Variants in CDK12 observed in about 807,000 individuals in gnomAD.
CDK12 encodes cyclin-dependent kinase 12.
In CDK12, 17 loss-of-function variants were observed where a neutral mutation model predicts 133.8. The ratio of observed to expected loss-of-function variants is 0.13; its 90% CI spans 0.09 to 0.19. The LOEUF (loss-of-function observed/expected upper bound fraction) is 0.19, where lower values mean the gene tolerates loss of function less well. CDK12 is among the 10% of genes least tolerant of loss of function. The pLI is 1.00. For missense variants in CDK12, 1,508 were observed against 1,818.7 expected, an observed-to-expected ratio of 0.83 and a Z score of 3.11; for synonymous variants, 694 against 683.6, an observed-to-expected ratio of 1.02 and a Z score of -0.24.
Position 39,471,497 on chromosome 17 carries a change from T to G in CDK12, c.1665T>G (p.Pro555=). ...AGACACCCCCTTTGCCACCTTTGCC[T>G]CCAATACCAGCTCTTCCACAGCAAC... ...PPQTPPLPPL[P]PIPALPQQPP... is the part of the protein sequence containing the mutation. Residue 555 remains proline (P), a synonymous_variant, in exon 2 of 14, where the codon CCT becomes CCG. Coordinates refer to ENST00000447079, the MANE Select transcript of CDK12 (RefSeq NM_016507.4). The G allele has an allele frequency of 6.3e-7, 1 of 1,598,308 alleles. No homozygotes were observed. The highest frequency in any genetic ancestry group is 1.1e-5 in the South Asian group (1 of 90,698).
In CDK12 at chr17:39,463,080, C is replaced by T; in HGVS notation, c.1009C>T (p.Leu337=). ...YGRRRSSSPF[L]SKRSLSRSPL... ...TCGAAGGCGGTCCAGCAGCCCTTTC[C>T]TGAGCAAGCGGTCTCTGAGTCGGAG... Residue 337 remains leucine, a synonymous_variant, in exon 1 of 14, where the codon CTG becomes TTG. Transcript: ENST00000447079. The T allele has an allele frequency of 3.1e-6, 5 of 1,614,186 alleles. No homozygotes were observed. Among genetic ancestry groups the T allele is most frequent in the Non-Finnish European group, 4.2e-6 (5 of 1,180,022 alleles).
intron 7 of CDK12, among the ~76,000 whole-genome samples, chr17:39,510,835 A>T (rs572375043): frequency 6.7e-6 from 1 of 149,374 alleles, no homozygotes; most frequent in South Asian, 2.1e-4. Flanking sequence ...CTGGTCTCGA[A>T]CTCCCGACCT....
At chr17:39,541,752 C>G (rs1032451034) in intron 1 of CDK12, among the ~76,000 whole-genome samples, 1 of 152,212 alleles carries the variant, frequency 6.6e-6, no homozygotes, top group Non-Finnish European at 1.5e-5. Context: ...GGGAGTTTCT[C>G]TGCAGTGGCC....
At chr17:39,506,212 ATTTTTT>A (rs1177367409) in intron 6 of CDK12, among the ~76,000 whole-genome samples, 1 of 119,776 alleles carries the variant, frequency 8.3e-6, no homozygotes, top group Non-Finnish European at 1.7e-5. Context: ...TGATTATATG[ATTTTTT>A]TTTTTTTTTT....
chr17:39,501,216 T>TC, intron 5 of CDK12, 34 bp from the exon 6 acceptor site: 2 of 1,426,472 alleles, frequency 1.4e-6, no homozygotes, highest in Non-Finnish European at 9.4e-7. Context: ...TCTTTTTTTT[T>TC]TCTTGCTTTT....
chr17:39,558,383 T>C (rs2056242750), intron 3 of CDK12, among the ~76,000 whole-genome samples: 1 of 152,178 alleles, frequency 6.6e-6, no homozygotes, highest in Non-Finnish European at 1.5e-5. Flanking sequence ...CACTTTACAG[T>C]TCGTTAATTA....
In CDK12 at chr17:39,515,761, G is replaced by A; in HGVS notation, c.2799G>A (p.Lys933=). The change falls in exon 9 of 14, where the codon AAG becomes AAA. Residue 933 remains lysine (K), a synonymous_variant. Coordinates refer to ENST00000447079, the MANE Select transcript of CDK12 (RefSeq NM_016507.4). ...GCILGELFTK[K]PIFQANLELA... Reference sequence around the variant, plus strand: ...TTCTTGGGGAACTATTCACAAAGAAGCCTATTTTTCAAGCCAATCTGGAAC... The same window carrying A: ...TTCTTGGGGAACTATTCACAAAGAAACCTATTTTTCAAGCCAATCTGGAAC... 2 of 1,613,392 alleles carry A rather than the reference G, an allele frequency of 1.2e-6. No homozygotes were observed. The highest frequency in any genetic ancestry group is 2.2e-5 in the East Asian group (1 of 44,824).
chr17:39,511,672 A>T (rs764875330), intron 8 of CDK12, 42 bp downstream of exon 8: 1 of 1,286,116 alleles, frequency 7.8e-7, no homozygotes, highest in South Asian at 1.2e-5. Context: ...TAACTTACAT[A>T]CTGTTGACTT....
At position 39,462,700 on chromosome 17, in the gene CDK12, A is replaced by G; in HGVS notation, c.629A>G (p.Tyr210Cys). 1 of 1,614,240 alleles carries G rather than the reference A, an allele frequency of 6.2e-7. No individual in the cohort carries two copies. Among genetic ancestry groups the G allele is most frequent in the Non-Finnish European group, 8.5e-7 (1 of 1,180,044 alleles). The change falls in exon 1 of 14, where the codon TAC (tyrosine) becomes TGC (cysteine). Residue 210 changes from tyrosine to cysteine, a missense_variant. Transcript: ENST00000447079. ...SHRKRETPKSYKTVDSPKRRS... is the reference protein window; with the variant it reads ...SHRKRETPKSCKTVDSPKRRS... ...CGAAAAAGGGAAACACCCAAAAGTT[A>G]CAAAACAGTGGACAGCCCAAAACGG...
intron 1 of CDK12, among the ~76,000 whole-genome samples, chr17:39,464,404 CT>C (rs61135804): frequency 0.6 from 82,002 of 136,326 alleles, 26,759 homozygotes; most frequent in South Asian, 0.87. Context: ...TTTTCTTTTT[CT>C]TTTTTTTTTT....
chr17:39,466,549 G>T (rs1313908365), intron 1 of CDK12, among the ~76,000 whole-genome samples: 1 of 138,622 alleles, frequency 7.2e-6, no homozygotes, highest in African/African-American at 2.7e-5. Flanking sequence ...AGGAGGAGGA[G>T]GTTGAGGTGA....
chr17:39,517,625 T>C, intron 10 of CDK12, 69 bp downstream of exon 10: 1 of 885,698 alleles, frequency 1.1e-6, no homozygotes, highest in Non-Finnish European at 1.9e-6. Context: ...TTTTTCCTGG[T>C]CTGGGTAGTT....
rs149326713 is a variant in CDK12, at chr17:39,534,116, C to T, written c.*2800C>T. 3.1e-4 allele frequency: 73 copies of T among 232,722 alleles called. No homozygotes were observed. The East Asian group carries it at 3.3e-3, about 11-fold the overall frequency. The allele number at this position is 232,722 out of a possible 1,614,324, so 14.4% of individuals were successfully genotyped here. A position where few individuals can be genotyped will look rare whatever the true frequency, so the allele number is the denominator to read the frequency against. On this transcript the variant is annotated 3_prime_UTR_variant, in exon 14 of 14. Transcript: ENST00000447079. ...TGGTTTTGAAAACAAATATACTTGA[C>T]CCAGTTTCCTTAGTTTTTTCTTCAA...
rs147377891 is a variant in CDK12, at chr17:39,561,358, A to T, written n.485-3402A>T. Among the ~76,000 whole-genome samples, 12 of 152,320 alleles carry T rather than the reference A, an allele frequency of 7.9e-5. No individual in the cohort carries two copies. The East Asian group carries it at 2.1e-3, about 27-fold the overall frequency. Reference sequence around the variant, plus strand: ...CTATAGTTCATTTACAAACCCATACATCCACATACACCCCTTGGGCAGGCT... The same window carrying T: ...CTATAGTTCATTTACAAACCCATACTTCCACATACACCCCTTGGGCAGGCT... On this transcript the variant is annotated intron_variant and non_coding_transcript_variant, in intron 3 of 3. Coordinates refer to the CDK12 transcript ENST00000558240.
rs2054875175 is a variant in CDK12 at position 39,532,060 on chromosome 17, A to C, written c.*744A>C. On this transcript the variant is annotated 3_prime_UTR_variant, in exon 14 of 14. Transcript: ENST00000447079. ...TTGGGCAAGTAGGTAGACTTTACCCAGTCTCTTTCCTTTTTTGCTGATGTG... is the reference window on the plus strand; with the variant it reads ...TTGGGCAAGTAGGTAGACTTTACCCCGTCTCTTTCCTTTTTTGCTGATGTG... 1 of 228,980 alleles carries C rather than the reference A, an allele frequency of 4.4e-6. No individual in the cohort carries two copies. Among genetic ancestry groups the C allele is most frequent in the Admixed American group, 5.7e-5 (1 of 17,424 alleles). 14.2% of individuals were successfully genotyped at this position (228,980 alleles called of 1,614,324 possible).
chr17:39,521,267 G>A (rs2054147537), intron 11 of CDK12, among the ~76,000 whole-genome samples: 1 of 151,838 alleles, frequency 6.6e-6, no homozygotes, highest in South Asian at 2.1e-4. Context: ...TGCCTGGCCT[G>A]TTTGTTTGTT....
At chr17:39,465,927 C>A (rs1310404060) in intron 1 of CDK12, among the ~76,000 whole-genome samples, 1 of 152,116 alleles carries the variant, frequency 6.6e-6, no homozygotes, top group Non-Finnish European at 1.5e-5. Flanking sequence ...GACTAAAACA[C>A]TAAAAGGAGT....
intron 6 of CDK12, among the ~76,000 whole-genome samples, chr17:39,505,870 G>A (rs1002308759): frequency 3.9e-5 from 6 of 152,272 alleles, no homozygotes; most frequent in South Asian, 4.1e-4. Flanking sequence ...GGGAGTCTTG[G>A]AACCAATTGC....
intron 1 of CDK12, among the ~76,000 whole-genome samples, chr17:39,540,856 GT>G (rs2055375528): frequency 6.6e-6 from 1 of 152,320 alleles, no homozygotes; most frequent in South Asian, 2.1e-4. Context: ...AGTCCTCTCT[GT>G]TTCAAAAACC....
Sources: gnomAD v4.1 joint callset for allele counts (sites outside exome capture counted in the v4.1 genomes callset) on GRCh38, gnomAD v4.1.1 for gene constraint, MANE v1.5 for transcripts, NCBI Gene and HGNC (gene_info 2026-07-23, HGNC 2026-07-21) for gene names.